Variants in FBXO34 observed in about 807,000 individuals in gnomAD.
The protein encoded by FBXO34 is F-box protein 34, also known as F-box only protein 34.
Under a neutral mutation model 24.5 loss-of-function variants are expected in FBXO34, and 12 were observed. That is an observed-to-expected ratio of 0.49 (90% CI 0.31 to 0.79). FBXO34 has a LOEUF of 0.79. Ranked by LOEUF, FBXO34 falls within the 30% of genes least tolerant of loss-of-function variation. The probability of loss-of-function intolerance (pLI) is 0.04; values close to 1 mark genes in which losing one functional copy is unlikely to be tolerated. For missense variants in FBXO34, 823 were observed against 857.7 expected (o/e 0.96, Z 0.51); for synonymous variants, 320 against 311.9 (o/e 1.03, Z -0.27).
At chr14:55,325,013 A>C (rs1339966192) in intron 1 of FBXO34, among the ~76,000 whole-genome samples, 1 of 152,136 alleles carries the variant, frequency 6.6e-6, no homozygotes, top group East Asian at 1.9e-4. Context: ...CCTATTCACA[A>C]AGGCTCCATC....
chr14:55,311,526 T>C (rs1412575185), intron 1 of FBXO34, among the ~76,000 whole-genome samples: 6 of 152,168 alleles, frequency 3.9e-5, no homozygotes, highest in Non-Finnish European at 8.8e-5. Flanking sequence ...CAAAGTGTCA[T>C]GTGAGATGAG....
chr14:55,384,597 T>TA, the FBXO34 span, among the ~76,000 whole-genome samples: 26 of 152,352 alleles, frequency 1.7e-4, no homozygotes, highest in East Asian at 1.3e-3. Flanking sequence ...ACAAAATACT[T>TA]AGAGTCAAGA....
rs1336812801 is a variant in FBXO34, at chr14:55,329,132, C to T, written c.-10-21249C>T. Among the ~76,000 whole-genome samples the T allele has an allele frequency of 8.4e-5, 7 of 82,992 alleles. 1 individual carries two copies. Among genetic ancestry groups the T allele is most frequent in the Non-Finnish European group, 1.5e-4 (5 of 33,820 alleles). The allele number at this position is 82,992 out of a possible 152,430, so 54.4% of individuals were successfully genotyped here. On this transcript the variant is annotated intron_variant, in intron 1 of 1. Coordinates refer to ENST00000313833, the MANE Select transcript of FBXO34 (RefSeq NM_017943.4). ...GCTGAGGGAGATTTGTGAAAAATGT[C>T]TTTAAAACGTGGTTTATTTCTAAAA...
downstream of FBXO34, among the ~76,000 whole-genome samples, chr14:55,364,381 CTA>C (rs1201943479): frequency 6.6e-6 from 1 of 152,220 alleles, no homozygotes; most frequent in African/African-American, 2.4e-5. Context: ...CTTTAGTTTA[CTA>C]TCCTCTTTCT....
chr14:55,298,939 C>G, intron 1 of FBXO34: 1 of 1,581,816 alleles, frequency 6.3e-7, no homozygotes, highest in Non-Finnish European at 8.7e-7. Flanking sequence ...AACATGGGCT[C>G]TGCAGCCAAG....
downstream of FBXO34, chr14:55,355,046 C>G (rs1365647351): frequency 6.6e-6 from 1 of 152,032 alleles, no homozygotes. Context: ...TTTTTTCTCT[C>G]CTACCTCCTA....
intron 1 of FBXO34, among the ~76,000 whole-genome samples, chr14:55,302,420 G>A (rs1594738656): frequency 7.0e-6 from 1 of 142,962 alleles, no homozygotes; most frequent in East Asian, 2.0e-4. Context: ...AAATAGCCTT[G>A]TTCTCATCAA....
chr14:55,280,718 G>A (rs1033734595), intron 1 of FBXO34, among the ~76,000 whole-genome samples: 1 of 151,858 alleles, frequency 6.6e-6, no homozygotes, highest in African/African-American at 2.4e-5. Context: ...AGTAGAGACG[G>A]GGTTTCACCA....
intron 1 of FBXO34, among the ~76,000 whole-genome samples, chr14:55,275,612 A>G (rs1239252985): frequency 6.6e-6 from 1 of 151,670 alleles, no homozygotes; most frequent in Admixed American, 6.6e-5. Context: ...CAGGAGATTG[A>G]GACCATCTTG....
chr14:55,326,789 G>T (rs1235864492), intron 1 of FBXO34, among the ~76,000 whole-genome samples: 1 of 152,224 alleles, frequency 6.6e-6, no homozygotes, highest in East Asian at 1.9e-4. Context: ...TTCAAATGCA[G>T]GATAGAAAAC....
intron 1 of FBXO34, among the ~76,000 whole-genome samples, chr14:55,349,768 G>A (rs1008682525): frequency 2.6e-5 from 4 of 151,750 alleles, no homozygotes; most frequent in South Asian, 2.1e-4. Context: ...CACTACGCCC[G>A]GCTGATTTTT....
At chr14:55,338,837 C>T (rs557706258) in intron 1 of FBXO34, among the ~76,000 whole-genome samples, 6 of 151,374 alleles carry the variant, frequency 4.0e-5, no homozygotes, top group South Asian at 2.1e-4. Flanking sequence ...ATCTGGGAGG[C>T]GGAGCTTGCA....
At chr14:55,360,134 G>A (rs1325055195) in intron 3 of FBXO34, among the ~76,000 whole-genome samples, 1 of 151,916 alleles carries the variant, frequency 6.6e-6, no homozygotes, top group Non-Finnish European at 1.5e-5. Flanking sequence ...GTGCAGTGGT[G>A]CGATCTCAGC....
At chr14:55,286,843 G>A (rs963948976) in intron 1 of FBXO34, among the ~76,000 whole-genome samples, 3 of 150,282 alleles carry the variant, frequency 2.0e-5, no homozygotes, top group Admixed American at 6.6e-5. Context: ...TCACATATAC[G>A]TAATGAGATA....
rs1251619317 is a variant in FBXO34, at chr14:55,296,402, T to G, written c.-11+24865T>G. Among the ~76,000 whole-genome samples, 49 of 136,798 alleles carry G rather than the reference T, an allele frequency of 3.6e-4. 2 individuals carry two copies. Among genetic ancestry groups the G allele is most frequent in the East Asian group, 8.4e-4 (4 of 4,758 alleles). The allele number at this position is 136,798 out of a possible 152,430, so 89.7% of individuals were successfully genotyped here. ...CTTGTGTTTTTTTTGTTTTTTTTTT[T>G]TTTTTTTTTTTTTGAGACAGTCTCG... On this transcript the variant is annotated intron_variant, in intron 1 of 1. Coordinates refer to ENST00000313833, the MANE Select transcript of FBXO34 (RefSeq NM_017943.4).
At chr14:55,412,085 T>TCTTG in the FBXO34 span, among the ~76,000 whole-genome samples, 3 of 151,964 alleles carry the variant, frequency 2.0e-5, no homozygotes, top group South Asian at 2.1e-4. Context: ...AGACTACGAG[T>TCTTG]TAAAGCCTCA....
At chr14:55,406,518 G>A in the FBXO34 span, among the ~76,000 whole-genome samples, 1 of 152,198 alleles carries the variant, frequency 6.6e-6, no homozygotes, top group African/African-American at 2.4e-5. Flanking sequence ...CAGAGTTCAA[G>A]GCCTATTGAC....
At chr14:55,335,880 T>A (rs945160186) in intron 1 of FBXO34, among the ~76,000 whole-genome samples, 9 of 152,214 alleles carry the variant, frequency 5.9e-5, no homozygotes, top group Non-Finnish European at 1.5e-5. Context: ...TCAAAAAATA[T>A]TAATGGCTAC....
At chr14:55,435,779 A>T in the FBXO34 span, 1 of 1,179,710 alleles carries the variant, frequency 8.5e-7, no homozygotes. Flanking sequence ...AGTCAATATC[A>T]TGATCATATT....
Sources: allele counts gnomAD v4.1 joint callset (sites outside exome capture counted in the v4.1 genomes callset), GRCh38; gene constraint gnomAD v4.1.1; transcripts MANE v1.5; gene names NCBI Gene and HGNC (gene_info 2026-07-23, HGNC 2026-07-21).